The following ARRDC5 variants were observed in gnomAD, a reference collection of about 807,000 sequenced individuals.
ARRDC5 encodes arrestin domain-containing protein 5.
A neutral mutation model predicts 13.3 loss-of-function variants in ARRDC5; 12 were observed. The observed-to-expected ratio is 0.90, with a 90% CI of 0.58 to 1.46. ARRDC5 has a LOEUF of 1.46. Ranked by LOEUF, ARRDC5 falls within the 40% of genes most tolerant of loss-of-function variation. The pLI is 0.00. For missense variants in ARRDC5, 406 were observed against 418.7 expected, an observed-to-expected ratio of 0.97 and a Z score of 0.26; for synonymous variants, 181 against 173.4, an observed-to-expected ratio of 1.04 and a Z score of -0.34.
chr19:4,914,463 A>G, the ARRDC5 span, among the ~76,000 whole-genome samples: 1 of 151,570 alleles, frequency 6.6e-6, no homozygotes, highest in Non-Finnish European at 1.5e-5. Flanking sequence ...GTTGATGGAG[A>G]CCCCAGAGCA....
At chr19:4,891,962 A>AAAG (rs1283241206) in intron 2 of ARRDC5, among the ~76,000 whole-genome samples, 2 of 151,486 alleles carry the variant, frequency 1.3e-5, no homozygotes, top group East Asian at 3.9e-4. Context: ...CTCAAAAAAA[A>AAAG]AAAAAAGTCT....
chr19:4,913,852 C>G, the ARRDC5 span, among the ~76,000 whole-genome samples: 1 of 139,180 alleles, frequency 7.2e-6, no homozygotes, highest in Non-Finnish European at 1.5e-5. Context: ...GCTCTTATTG[C>G]CCAAGGTGGA....
chr19:4,909,357 C>G, the ARRDC5 span: 3 of 607,248 alleles, frequency 4.9e-6, no homozygotes, highest in Middle Eastern at 2.8e-4. Flanking sequence ...GCGGAGGCGC[C>G]GTGGACAGAG....
At position 4,891,307 on chromosome 19, in the gene ARRDC5, G is replaced by A; in HGVS notation, c.726C>T (p.Asn242=). Residue 242 remains asparagine, a synonymous_variant, in exon 3 of 3, where the codon AAC becomes AAT. Coordinates refer to ENST00000650722, the MANE Select transcript of ARRDC5 (RefSeq NM_001080523.3). ...TGGTGTTGAAGCGGGTCACGGGGGT[G>A]TTGGCCTCCTGCCTCAGAAGCTCGC... ...DSSELLRQEA[N]TPVTRFNTTK... The A allele has an allele frequency of 6.2e-7, 1 of 1,613,970 alleles. No individual in the cohort carries two copies. The highest frequency in any genetic ancestry group is 1.3e-5 in the African/African-American group (1 of 75,068).
intron 1 of ARRDC5, among the ~76,000 whole-genome samples, chr19:4,899,431 G>A (rs1214910527): frequency 6.6e-6 from 1 of 151,756 alleles, no homozygotes; most frequent in South Asian, 2.1e-4. Context: ...AAAAGTTTGA[G>A]ACCAGCCTGG....
At chr19:4,910,087 G>C in the ARRDC5 span, 2 of 154,296 alleles carry the variant, frequency 1.3e-5, no homozygotes, top group Non-Finnish European at 2.9e-5. Context: ...TCAAGTGAAG[G>C]GGGGCGGGAC....
chr19:4,902,043 C>G (rs769030485), intron 1 of ARRDC5, among the ~76,000 whole-genome samples: 1 of 152,070 alleles, frequency 6.6e-6, no homozygotes, highest in East Asian at 1.9e-4. Context: ...CGTGCCAGCA[C>G]GCCCAGCTAA....
chr19:4,899,879 C>T (rs2031859255), intron 1 of ARRDC5, among the ~76,000 whole-genome samples: 1 of 149,918 alleles, frequency 6.7e-6, no homozygotes, highest in Admixed American at 6.7e-5. Flanking sequence ...GCGGAGCTTG[C>T]AGTGAGCCAA....
the ARRDC5 span, chr19:4,910,504 A>G: frequency 5.8e-6 from 1 of 171,900 alleles, no homozygotes; most frequent in Non-Finnish European, 1.2e-5. Flanking sequence ...CGTAAATAGG[A>G]ATCCGAGGAA....
At position 4,896,579 on chromosome 19, in the gene ARRDC5, T is replaced by A. The variant is rs2031741788; in HGVS notation, c.459+92A>T. 5.3e-6 allele frequency: 5 copies of A among 938,180 alleles called. No individual in the cohort carries two copies. The South Asian group carries it at 7.1e-5, about 13-fold the overall frequency. 58.1% of individuals were successfully genotyped at this position (938,180 alleles called of 1,614,324 possible). A position where few individuals can be genotyped will look rare whatever the true frequency, so the allele number is the denominator to read the frequency against. Reference sequence around the variant, plus strand: ...TGCCAACACCCTTCCCTTCTCCCCATGGGACCTTCTCTGTCCCCTGCCTGC... The same window carrying A: ...TGCCAACACCCTTCCCTTCTCCCCAAGGGACCTTCTCTGTCCCCTGCCTGC... On this transcript the variant is annotated intron_variant, in intron 2 of 2. Transcript: ENST00000650722.
At chr19:4,891,887 G>T (rs1167124166) in intron 2 of ARRDC5, among the ~76,000 whole-genome samples, 1 of 150,862 alleles carries the variant, frequency 6.6e-6, no homozygotes, top group Non-Finnish European at 1.5e-5. Flanking sequence ...CCCGGGAGGT[G>T]GAGGTTGCAG....
chr19:4,915,205 C>T, the ARRDC5 span, among the ~76,000 whole-genome samples: 7 of 152,350 alleles, frequency 4.6e-5, no homozygotes, highest in African/African-American at 1.2e-4. Context: ...CCCCACTGGA[C>T]GGCCCCCTTG....
At chr19:4,910,584 T>C in the ARRDC5 span, 2 of 317,368 alleles carry the variant, frequency 6.3e-6, no homozygotes, top group Non-Finnish European at 1.1e-5. Flanking sequence ...CTTTCTCCTC[T>C]GGTCGTGGGG....
chr19:4,902,691 C>G lies in ARRDC5; in HGVS notation c.135G>C (p.Val45=). Residue 45 remains valine, a synonymous_variant, in exon 1 of 3, where the codon GTG becomes GTC. Transcript: ENST00000650722. Reference sequence around the variant, plus strand: ...CACTCCATTCGACGTAACCCCTTCCCACGAGCTCCACCTTCACTATGGGGT... The same window carrying G: ...CACTCCATTCGACGTAACCCCTTCCGACGAGCTCCACCTTCACTATGGGGT... The part of the protein sequence containing the change: ...LVDPIVKVEL[V]GRGYVEWSEE... 4 of 1,614,012 alleles carry G rather than the reference C, an allele frequency of 2.5e-6. No individual in the cohort carries two copies. Among genetic ancestry groups the G allele is most frequent in the Non-Finnish European group, 3.4e-6 (4 of 1,179,904 alleles).
chr19:4,914,208 T>C, the ARRDC5 span, among the ~76,000 whole-genome samples: 5 of 152,132 alleles, frequency 3.3e-5, no homozygotes, highest in South Asian at 2.1e-4. Context: ...CCCACTTGCA[T>C]GGCTGGGAAA....
chr19:4,911,989 C>T, the ARRDC5 span, among the ~76,000 whole-genome samples: 2 of 152,176 alleles, frequency 1.3e-5, no homozygotes, highest in Non-Finnish European at 2.9e-5. Context: ...GGAAAATAAA[C>T]ACTGCGCCCG....
the ARRDC5 span, among the ~76,000 whole-genome samples, chr19:4,909,965 T>C: frequency 6.7e-6 from 1 of 149,172 alleles, no homozygotes; most frequent in Admixed American, 6.6e-5. Flanking sequence ...CGCGATTCAA[T>C]TGTCGCGCCC....
intron 2 of ARRDC5, 111 bp downstream of exon 2, chr19:4,896,560 C>A (rs992135144): frequency 5.1e-6 from 4 of 787,392 alleles, no homozygotes; most frequent in Non-Finnish European, 2.1e-6. Context: ...AAGCTGCCAA[C>A]ACCCTTCCCT....
chr19:4,894,534 A>AAAAT, intron 2 of ARRDC5, among the ~76,000 whole-genome samples: 1 of 119,870 alleles, frequency 8.3e-6, no homozygotes, highest in Non-Finnish European at 1.7e-5. Flanking sequence ...AAAAAAAAAA[A>AAAAT]TTAGCCGGGC....
Sources: gnomAD v4.1 joint callset for allele counts (sites outside exome capture counted in the v4.1 genomes callset) on GRCh38, gnomAD v4.1.1 for gene constraint, MANE v1.5 for transcripts, NCBI Gene and HGNC (gene_info 2026-07-23, HGNC 2026-07-21) for gene names.